The following PTPRM variants were observed in gnomAD, a reference collection of about 807,000 sequenced individuals.
PTPRM encodes protein tyrosine phosphatase receptor type M.
Under a neutral mutation model 186.7 loss-of-function variants are expected in PTPRM, and 47 were observed. The ratio of observed to expected loss-of-function variants is 0.25; its 90% CI spans 0.20 to 0.32. The LOEUF is 0.32. Among genes scored for constraint, PTPRM ranks in the 10% least tolerant of loss-of-function variants. The pLI is 1.00. For missense variants in PTPRM, 1,494 were observed against 1,865.0 expected (o/e 0.80, Z 3.66); for synonymous variants, 668 against 674.9 (o/e 0.99, Z 0.16).
chr18:7,580,981 G>C (rs2143495598), intron 1 of PTPRM, among the ~76,000 whole-genome samples: 1 of 152,302 alleles, frequency 6.6e-6, no homozygotes, highest in Admixed American at 6.5e-5. Context: ...TCCGGTTCAG[G>C]GAAAGGTGTG....
At chr18:8,131,725 T>C (rs561221843) in intron 13 of PTPRM, among the ~76,000 whole-genome samples, 20 of 152,332 alleles carry the variant, frequency 1.3e-4, no homozygotes, top group African/African-American at 4.8e-4. Flanking sequence ...AGTATGAAAG[T>C]AGACAAATAT....
chr18:7,709,842 A>G (rs190643454), intron 1 of PTPRM, among the ~76,000 whole-genome samples: 2 of 152,292 alleles, frequency 1.3e-5, no homozygotes, highest in East Asian at 3.9e-4. Context: ...ACCCTCCTAG[A>G]ATAAACCAGG....
At chr18:8,164,818 T>C (rs1011542029) in intron 14 of PTPRM, among the ~76,000 whole-genome samples, 5 of 152,194 alleles carry the variant, frequency 3.3e-5, no homozygotes, top group African/African-American at 1.2e-4. Flanking sequence ...CACTGAATTA[T>C]ACACTTAAAA....
chr18:7,727,297 A>G (rs191652266), intron 1 of PTPRM, among the ~76,000 whole-genome samples: 16 of 152,258 alleles, frequency 1.1e-4, no homozygotes, highest in Non-Finnish European at 1.0e-4. Flanking sequence ...AGAAAAGGTC[A>G]GTTTTTTGTG....
intron 1 of PTPRM, among the ~76,000 whole-genome samples, chr18:7,578,048 C>G (rs1217467626): frequency 1.3e-5 from 2 of 152,160 alleles, no homozygotes; most frequent in African/African-American, 2.4e-5. Flanking sequence ...CTGGTTGGAT[C>G]AGGTCTTCCT....
chr18:8,099,167 C>T lies in PTPRM; in HGVS notation c.1856+10316C>T, dbSNP rs1600557104. Among the ~76,000 whole-genome samples, 5 of 152,138 alleles carry T rather than the reference C, an allele frequency of 3.3e-5. 1 individual carries two copies. The highest frequency in any genetic ancestry group is 1.2e-4 in the African/African-American group (5 of 41,518). ...TCTCTCTCTCTCTCTCTTTCTCTCT[C>T]TCTTTCTCTCACTTATTTCCACTCC... On this transcript the variant is annotated intron_variant, in intron 11 of 32. Transcript: ENST00000580170.
chr18:7,675,312 C>T (rs1323133036), intron 1 of PTPRM, among the ~76,000 whole-genome samples: 1 of 152,058 alleles, frequency 6.6e-6, no homozygotes, highest in Non-Finnish European at 1.5e-5. Flanking sequence ...TCATCTCACA[C>T]AACTTGCTGG....
At chr18:8,078,674 T>C (rs1180200810) in intron 9 of PTPRM, among the ~76,000 whole-genome samples, 3 of 152,198 alleles carry the variant, frequency 2.0e-5, no homozygotes, top group South Asian at 4.1e-4. Context: ...TGGTAACTTA[T>C]AAAGAAAAGA....
At chr18:8,265,487 G>A (rs940508360) in intron 19 of PTPRM, among the ~76,000 whole-genome samples, 1 of 152,188 alleles carries the variant, frequency 6.6e-6, no homozygotes, top group African/African-American at 2.4e-5. Context: ...AAGTTTGTAA[G>A]CCTGAGTTGG....
chr18:7,699,548 A>G (rs1010960502), intron 1 of PTPRM, among the ~76,000 whole-genome samples: 1 of 152,066 alleles, frequency 6.6e-6, no homozygotes, highest in Non-Finnish European at 1.5e-5. Flanking sequence ...AGTTGGGACT[A>G]CAGCCACGTG....
chr18:7,930,969 A>G (rs1005532339), intron 5 of PTPRM, among the ~76,000 whole-genome samples: 2 of 152,036 alleles, frequency 1.3e-5, no homozygotes, highest in East Asian at 3.9e-4. Flanking sequence ...TTTCTCTAGA[A>G]CACTGAACAA....
At chr18:8,108,333 A>G (rs1301783724) in intron 11 of PTPRM, among the ~76,000 whole-genome samples, 1 of 152,100 alleles carries the variant, frequency 6.6e-6, no homozygotes, top group East Asian at 1.9e-4. Context: ...GAGGATTAGC[A>G]AAAACAACAA....
At chr18:7,588,928 C>T (rs1001018759) in intron 1 of PTPRM, among the ~76,000 whole-genome samples, 2 of 152,184 alleles carry the variant, frequency 1.3e-5, no homozygotes, top group Non-Finnish European at 1.5e-5. Flanking sequence ...GGACTCACTG[C>T]AACCTCAACC....
intron 2 of PTPRM, among the ~76,000 whole-genome samples, chr18:7,882,204 A>G (rs890145106): frequency 2.0e-5 from 3 of 152,186 alleles, no homozygotes; most frequent in Non-Finnish European, 2.9e-5. Context: ...ATTTCATCGA[A>G]TAATAACAAA....
intron 6 of PTPRM, among the ~76,000 whole-genome samples, chr18:7,952,488 G>A (rs1204209016): frequency 6.7e-6 from 1 of 150,118 alleles, no homozygotes; most frequent in Non-Finnish European, 1.5e-5. Flanking sequence ...CACAAGGTCA[G>A]GAGATTGAGA....
chr18:7,617,930 C>G (rs2037846274), intron 1 of PTPRM, among the ~76,000 whole-genome samples: 1 of 152,088 alleles, frequency 6.6e-6, no homozygotes, highest in Non-Finnish European at 1.5e-5. Flanking sequence ...TGTGAATTGG[C>G]TCTGAGGAAA....
At chr18:7,900,879 A>C (rs1257171083) in intron 3 of PTPRM, among the ~76,000 whole-genome samples, 3 of 152,230 alleles carry the variant, frequency 2.0e-5, no homozygotes, top group Admixed American at 1.3e-4. Flanking sequence ...CTTTTTGAAG[A>C]AAAACTTGGT....
At chr18:8,143,247 A>G (rs796962771) in intron 13 of PTPRM, among the ~76,000 whole-genome samples, 14 of 152,246 alleles carry the variant, frequency 9.2e-5, no homozygotes, top group African/African-American at 3.4e-4. Flanking sequence ...ATGAAAAATA[A>G]CTGAGGAAAA....
chr18:7,761,443 C>T (rs2041767522), intron 1 of PTPRM, among the ~76,000 whole-genome samples: 2 of 152,144 alleles, frequency 1.3e-5, no homozygotes, highest in Non-Finnish European at 1.5e-5. Context: ...GTATGATGCA[C>T]ATAAAGTCCG....
Sources: gnomAD v4.1 joint callset for allele counts (sites outside exome capture counted in the v4.1 genomes callset) on GRCh38, gnomAD v4.1.1 for gene constraint, MANE v1.5 for transcripts, NCBI Gene and HGNC (gene_info 2026-07-23, HGNC 2026-07-21) for gene names.